Variants in PSIP1 observed in about 807,000 individuals in gnomAD.
The protein encoded by PSIP1 is PC4 and SRSF1 interacting protein 1.
Under a neutral mutation model 74.7 loss-of-function variants are expected in PSIP1, and 19 were observed. That is an observed-to-expected ratio of 0.25 (90% CI 0.18 to 0.37). PSIP1 has a LOEUF of 0.37. Among genes scored for constraint, PSIP1 ranks in the 10% least tolerant of loss-of-function variants. PSIP1 has a pLI of 1.00. For synonymous variants in PSIP1, 222 were observed against 195.3 expected (o/e 1.14, Z -1.14); for missense variants, 601 against 614.3 (o/e 0.98, Z 0.23).
intron 3 of PSIP1, among the ~76,000 whole-genome samples, chr9:15,494,468 G>T (rs1349559750): frequency 6.7e-6 from 1 of 148,870 alleles, no homozygotes; most frequent in Non-Finnish European, 1.5e-5. Flanking sequence ...GGGAGGCTGA[G>T]GCAATAGAAT....
At chr9:15,482,885 GA>G (rs2036396838) in intron 6 of PSIP1, among the ~76,000 whole-genome samples, 1 of 152,130 alleles carries the variant, frequency 6.6e-6, no homozygotes, top group African/African-American at 2.4e-5. Context: ...GAGTTCACCT[GA>G]AAGTATCCTA....
chr9:15,478,556 A>C lies in PSIP1; in HGVS notation c.554-4T>G. 6.3e-7 allele frequency: 1 copy of C among 1,582,352 alleles called. No homozygotes were observed. The highest frequency in any genetic ancestry group is 8.7e-7 in the Non-Finnish European group (1 of 1,151,848). ...TTTGGAATCTTGACTTCTGTAGCTA[A>C]TATACACATGGAAAAAAAATCAGTA... On this transcript the variant is annotated splice_region_variant and splice_polypyrimidine_tract_variant and intron_variant, in intron 7 of 15. Transcript: ENST00000380733.
intron 6 of PSIP1, among the ~76,000 whole-genome samples, chr9:15,484,000 C>CGTCT (rs1202118061): frequency 1.3e-5 from 2 of 151,154 alleles, no homozygotes; most frequent in Non-Finnish European, 3.0e-5. Flanking sequence ...TGGTGGTGCA[C>CGTCT]GTCTGTAATC....
In PSIP1 at chr9:15,474,134, T is replaced by TAA; in HGVS notation, c.732_733insTT (p.Arg245LeufsTer21). 1.2e-6 allele frequency: 2 copies of TAA among 1,613,770 alleles called. No individual in the cohort carries two copies. The highest frequency in any genetic ancestry group is 8.5e-7 in the Non-Finnish European group (1 of 1,179,900). ...CCCTCTTTTTTATCCGGCTCTTTTCTTGGCTTATCTTCTTCCTTCTGGCCC... is the reference window on the plus strand; with the variant it reads ...CCCTCTTTTTTATCCGGCTCTTTTCTAATGGCTTATCTTCTTCCTTCTGGCCC... On this transcript the variant is annotated frameshift_variant, in exon 9 of 16. Transcript: ENST00000380733. LOFTEE classifies it high-confidence loss of function.
chr9:15,470,681 T>G, intron 10 of PSIP1: 3 of 936,924 alleles, frequency 3.2e-6, no homozygotes, highest in Non-Finnish European at 3.8e-6. Flanking sequence ...GGTTACAGTT[T>G]CATTCTTAAC....
At position 15,510,132 on chromosome 9, in the gene PSIP1, G is replaced by A. The variant is rs746028050; in HGVS notation, c.57C>T (p.Pro19=). ...DLIFAKMKGY[P]HWPARVDEVP... is the part of the protein sequence containing the mutation. Reference sequence around the variant, plus strand: ...AATCACTTACTCGAGCTGGCCAATGGGGATAACCTTTCATCTTGGCGAAGA... The same window carrying A: ...AATCACTTACTCGAGCTGGCCAATGAGGATAACCTTTCATCTTGGCGAAGA... The change falls in exon 2 of 16, where the codon CCC becomes CCT. Residue 19 remains proline (P), a synonymous_variant. Coordinates refer to ENST00000380733, the MANE Select transcript of PSIP1 (RefSeq NM_033222.5). 1.2e-6 allele frequency: 2 copies of A among 1,607,688 alleles called. No homozygotes were observed. The highest frequency in any genetic ancestry group is 8.5e-7 in the Non-Finnish European group (1 of 1,177,178).
intron 3 of PSIP1, chr9:15,504,965 T>TTC (rs1399762627): frequency 6.7e-6 from 1 of 149,516 alleles, no homozygotes; most frequent in African/African-American, 2.5e-5. Context: ...GAACTTTTTT[T>TTC]TTTTTTTTTT....
At chr9:15,469,219 A>C in intron 12 of PSIP1, 47 bp downstream of exon 12, 1 of 1,352,228 alleles carries the variant, frequency 7.4e-7, no homozygotes, top group South Asian at 1.3e-5. Flanking sequence ...ATAAAAGATG[A>C]AGCTATAAAT....
At chr9:15,473,141 A>G (rs2132053609) in intron 9 of PSIP1, among the ~76,000 whole-genome samples, 1 of 152,368 alleles carries the variant, frequency 6.6e-6, no homozygotes, top group East Asian at 1.9e-4. Flanking sequence ...AAAGATTTGC[A>G]TGACCTGAAT....
chr9:15,508,071 C>CT (rs2037681551), intron 2 of PSIP1, among the ~76,000 whole-genome samples: 1 of 152,156 alleles, frequency 6.6e-6, no homozygotes, highest in Non-Finnish European at 1.5e-5. Context: ...CACCTATAGC[C>CT]TTTAGCAAAT....
rs757893193 is a variant in PSIP1, at chr9:15,469,043, T to C, written c.1120A>G (p.Ile374Val). ...KIDNLDVNRC[I>V]EALDELASLQ... ...GAAGCAAGTTCATCCAAGGCCTCAA[T>C]GCATCTGTTCACATCCTTCATGACA... Residue 374 changes from isoleucine to valine, a missense_variant, in exon 13 of 16, where the codon ATT (isoleucine) becomes GTT (valine). By Grantham distance (29) the Ile-to-Val change is conservative. Transcript: ENST00000380733. 6.2e-7 allele frequency: 1 copy of C among 1,613,796 alleles called. No individual in the cohort carries two copies. The highest frequency in any genetic ancestry group is 8.5e-7 in the Non-Finnish European group (1 of 1,179,844).
intron 3 of PSIP1, chr9:15,504,829 G>A (rs928141915): frequency 6.6e-6 from 1 of 151,884 alleles, no homozygotes; most frequent in African/African-American, 2.4e-5. Context: ...GCTAAGGAAT[G>A]TCCACTCACA....
intron 10 of PSIP1, chr9:15,470,535 C>T: frequency 1.2e-6 from 1 of 860,422 alleles, no homozygotes; most frequent in Non-Finnish European, 1.4e-6. Context: ...AAAATAACCA[C>T]TTAAAATTGA....
At position 15,474,216 on chromosome 9, in the gene PSIP1, A is replaced by C. The variant is rs766532453; in HGVS notation, c.651T>G (p.Ser217Arg). The C allele has an allele frequency of 6.2e-7, 1 of 1,610,384 alleles. No homozygotes were observed. The highest frequency in any genetic ancestry group is 1.1e-5 in the South Asian group (1 of 90,148). The change falls in exon 9 of 16, where the codon AGT becomes AGG. Residue 217 changes from serine (S) to arginine (R), a missense_variant. Coordinates refer to ENST00000380733, the MANE Select transcript of PSIP1 (RefSeq NM_033222.5). ...ESDIITEEDK[S>R]KKKGQEEKQP... ...GTTTTTCCTCTTGCCCCTTTTTCTTACTTTTGTCCTCTTCAGTAATGCTAT... is the reference window on the plus strand; with the variant it reads ...GTTTTTCCTCTTGCCCCTTTTTCTTCCTTTTGTCCTCTTCAGTAATGCTAT...
At chr9:15,470,780 G>A (rs2035790231) in intron 10 of PSIP1, 1 of 993,126 alleles carries the variant, frequency 1.0e-6, no homozygotes, top group Non-Finnish European at 1.2e-6. Flanking sequence ...CAAGAGAAGG[G>A]CCCCATTCTC....
intron 3 of PSIP1, among the ~76,000 whole-genome samples, chr9:15,493,686 T>C (rs2036942048): frequency 6.6e-6 from 1 of 152,162 alleles, no homozygotes; most frequent in African/African-American, 2.4e-5. Context: ...AGAAGGTACC[T>C]CTTCACAGGG....
rs1563870351 is a variant in PSIP1, at chr9:15,473,917, A to AAAAAAAAAAAC, written c.858+91_858+92insGTTTTTTTTTT. Reference sequence around the variant, plus strand: ...CTCCATCTCAAACAAAAAAAAAACAAAAAAAAAAACAAAAAAAAAACAAAG... The same window carrying AAAAAAAAAAAC: ...CTCCATCTCAAACAAAAAAAAAACAAAAAAAAAAAACAAAAAAAAACAAAAAAAAAACAAAG... On this transcript the variant is annotated intron_variant, in intron 9 of 15. Transcript: ENST00000380733. 5.9e-6 allele frequency: 5 copies of AAAAAAAAAAAC among 848,468 alleles called. No individual in the cohort carries two copies. The African/African-American group carries it at 1.2e-4, about 20-fold the overall frequency. 52.6% of individuals were successfully genotyped at this position (848,468 alleles called of 1,614,324 possible). A position where few individuals can be genotyped will look rare whatever the true frequency, so the allele number is the denominator to read the frequency against.
At chr9:15,470,564 C>T (rs2132040762) in intron 10 of PSIP1, 1 of 920,002 alleles carries the variant, frequency 1.1e-6, no homozygotes, top group Non-Finnish European at 1.3e-6. Flanking sequence ...TTTCTAGTAC[C>T]TTGGCTTAGA....
chr9:15,500,172 G>A (rs10283926), intron 3 of PSIP1, among the ~76,000 whole-genome samples: 151,932 of 152,328 alleles, frequency 1, 75,769 homozygotes, highest in East Asian at 1. Context: ...TGCTGGTAAA[G>A]AGAGATCAAT....
Sources: allele counts gnomAD v4.1 joint callset (sites outside exome capture counted in the v4.1 genomes callset), GRCh38; gene constraint gnomAD v4.1.1; transcripts MANE v1.5; gene names NCBI Gene and HGNC (gene_info 2026-07-23, HGNC 2026-07-21).